Variants in CDH4 observed in about 807,000 individuals in gnomAD.
CDH4 encodes the protein cadherin-4.
A neutral mutation model predicts 86.0 loss-of-function variants in CDH4; 33 were observed. The ratio of observed to expected loss-of-function variants is 0.38; its 90% CI spans 0.29 to 0.51. The LOEUF (loss-of-function observed/expected upper bound fraction) is 0.51, where lower values mean the gene tolerates loss of function less well. Among genes scored for constraint, CDH4 ranks in the 20% least tolerant of loss-of-function variants. The pLI is 0.86. For missense variants in CDH4, 1,114 were observed against 1,307.4 expected (o/e 0.85, Z 2.28); for synonymous variants, 555 against 549.4 (o/e 1.01, Z -0.14).
At chr20:61,282,893 A>G (rs2084268344) in intron 2 of CDH4, among the ~76,000 whole-genome samples, 3 of 152,044 alleles carry the variant, frequency 2.0e-5, no homozygotes, top group Admixed American at 6.5e-5. Context: ...GTGCATTTGC[A>G]CGCGTGTGCT....
chr20:61,384,305 G>C (rs2084939348), intron 2 of CDH4, among the ~76,000 whole-genome samples: 1 of 152,170 alleles, frequency 6.6e-6, no homozygotes. Flanking sequence ...CACACCAGGA[G>C]GAACCATGAG....
chr20:61,492,752 A>G (rs6089400), intron 2 of CDH4, among the ~76,000 whole-genome samples: 4,649 of 152,358 alleles, frequency 0.031, 118 homozygotes, highest in Non-Finnish European at 0.047. Flanking sequence ...TGACAATATC[A>G]GGAAGCAAGA....
intron 2 of CDH4, among the ~76,000 whole-genome samples, chr20:61,666,501 C>T (rs533873895): frequency 6.6e-6 from 1 of 152,222 alleles, no homozygotes; most frequent in African/African-American, 2.4e-5. Flanking sequence ...GGCGGACAGA[C>T]TCCCTACAGA....
At chr20:61,571,114 G>C (rs527483761) in intron 2 of CDH4, among the ~76,000 whole-genome samples, 10 of 152,164 alleles carry the variant, frequency 6.6e-5, no homozygotes, top group Non-Finnish European at 1.2e-4. Flanking sequence ...TCCTCGGCGT[G>C]GCTGTGTGAA....
intron 2 of CDH4, among the ~76,000 whole-genome samples, chr20:61,405,332 T>C (rs915756080): frequency 6.6e-6 from 1 of 151,792 alleles, no homozygotes; most frequent in Admixed American, 6.6e-5. Flanking sequence ...CTAGTAGACA[T>C]ATATCCTTTA....
intron 2 of CDH4, among the ~76,000 whole-genome samples, chr20:61,485,186 G>A (rs954390780): frequency 5.3e-5 from 8 of 152,248 alleles, no homozygotes; most frequent in African/African-American, 1.4e-4. Context: ...TTTGGCAGCC[G>A]TGAGCTTCTA....
chr20:61,381,538 G>A (rs149696524), intron 2 of CDH4, among the ~76,000 whole-genome samples: 13 of 152,130 alleles, frequency 8.5e-5, no homozygotes, highest in Middle Eastern at 3.4e-3. Flanking sequence ...CCATCCCTGC[G>A]TGCCTTCTCC....
intron 2 of CDH4, among the ~76,000 whole-genome samples, chr20:61,403,402 C>T (rs142644780): frequency 4.6e-5 from 7 of 152,216 alleles, no homozygotes; most frequent in African/African-American, 1.2e-4. Flanking sequence ...TTGGGGGCAG[C>T]GGTGGTACTG....
intron 2 of CDH4, among the ~76,000 whole-genome samples, chr20:61,390,054 T>C (rs946361093): frequency 1.3e-5 from 2 of 150,158 alleles, no homozygotes; most frequent in Non-Finnish European, 3.0e-5. Context: ...CGTGCAGTCA[T>C]AGGGTGCCCA....
intron 2 of CDH4, among the ~76,000 whole-genome samples, chr20:61,742,212 G>A (rs1282279639): frequency 1.3e-5 from 2 of 152,112 alleles, no homozygotes; most frequent in Non-Finnish European, 2.9e-5. Context: ...GGTTGATCCT[G>A]TCCATCAGAG....
chr20:61,889,111 C>A (rs1206421357), intron 7 of CDH4, among the ~76,000 whole-genome samples: 1 of 152,224 alleles, frequency 6.6e-6, no homozygotes, highest in Non-Finnish European at 1.5e-5. Context: ...GCAGCTCATG[C>A]TATCACTCCC....
chr20:61,422,232 C>T (rs2085181764), intron 2 of CDH4, among the ~76,000 whole-genome samples: 1 of 151,862 alleles, frequency 6.6e-6, no homozygotes, highest in Non-Finnish European at 1.5e-5. Context: ...TTCATGACCC[C>T]TGACTAACAT....
At chr20:61,637,329 G>A (rs1568726754) in intron 2 of CDH4, among the ~76,000 whole-genome samples, 2 of 152,152 alleles carry the variant, frequency 1.3e-5, no homozygotes, top group African/African-American at 2.4e-5. Flanking sequence ...CGACCAGAGA[G>A]ACCTCCCCTA....
At chr20:61,471,498 AT>A (rs138357591) in intron 2 of CDH4, among the ~76,000 whole-genome samples, 8 of 143,960 alleles carry the variant, frequency 5.6e-5, no homozygotes, top group African/African-American at 1.3e-4. Flanking sequence ...TTTTTTTTGT[AT>A]TTTTTTTCAA....
intron 2 of CDH4, among the ~76,000 whole-genome samples, chr20:61,569,647 A>G (rs184158034): frequency 5.9e-5 from 9 of 152,320 alleles, no homozygotes; most frequent in African/African-American, 2.2e-4. Flanking sequence ...ATTCATATCT[A>G]ATCTAGATAT....
intron 2 of CDH4, among the ~76,000 whole-genome samples, chr20:61,448,272 G>C (rs2085363066): frequency 1.3e-5 from 2 of 152,278 alleles, no homozygotes; most frequent in South Asian, 4.1e-4. Context: ...TGTGAAGAAG[G>C]TGCTTTTATA....
intron 2 of CDH4, among the ~76,000 whole-genome samples, chr20:61,333,458 T>C (rs541199151): frequency 6.6e-6 from 1 of 152,228 alleles, no homozygotes; most frequent in Non-Finnish European, 1.5e-5. Flanking sequence ...ACTACAAAGG[T>C]CACCAGATAA....
intron 4 of CDH4, among the ~76,000 whole-genome samples, chr20:61,776,663 C>T (rs1216206591): frequency 1.3e-5 from 2 of 152,224 alleles, no homozygotes; most frequent in Non-Finnish European, 2.9e-5. Context: ...TGCACTGCAG[C>T]ATTTCAGAAA....
At chr20:61,265,993 T>A (rs1483358957) in intron 2 of CDH4, among the ~76,000 whole-genome samples, 1 of 152,208 alleles carries the variant, frequency 6.6e-6, no homozygotes, top group Non-Finnish European at 1.5e-5. Context: ...CCATAGCAGC[T>A]TCCGATCTGG....
Sources: gnomAD v4.1 joint callset for allele counts (sites outside exome capture counted in the v4.1 genomes callset) on GRCh38, gnomAD v4.1.1 for gene constraint, MANE v1.5 for transcripts, NCBI Gene and HGNC (gene_info 2026-07-23, HGNC 2026-07-21) for gene names.